Variants in RFXANK observed in about 807,000 individuals in gnomAD.
RFXANK encodes the protein regulatory factor X associated ankyrin containing protein.
In RFXANK, 19 loss-of-function variants were observed where a neutral mutation model predicts 34.5. The observed-to-expected ratio is 0.55, with a 90% confidence interval of 0.38 to 0.81. The LOEUF (loss-of-function observed/expected upper bound fraction) is 0.81. Ranked by LOEUF, RFXANK falls within the 30% of genes least tolerant of loss-of-function variation. The pLI is 0.00. For synonymous variants in RFXANK, 154 were observed against 149.8 expected (o/e 1.03, Z -0.20); for missense variants, 295 against 343.5 (o/e 0.86, Z 1.12).
intron 3 of RFXANK, among the ~76,000 whole-genome samples, chr19:19,194,593 G>A (rs1376652686): frequency 4.6e-5 from 7 of 151,870 alleles, no homozygotes; most frequent in Admixed American, 2.6e-4. Flanking sequence ...GTGCAGTGAT[G>A]CAATCATAGT....
At chr19:19,195,859 C>A (rs1223908052) in intron 3 of RFXANK, among the ~76,000 whole-genome samples, 1 of 151,158 alleles carries the variant, frequency 6.6e-6, no homozygotes, top group Non-Finnish European at 1.5e-5. Flanking sequence ...TCTCCTGCCT[C>A]AGCCTCCCGA....
Position 19,201,329 on chromosome 19 carries a change from G to A in RFXANK, c.713-320G>A, listed in dbSNP as rs1186538912. ...CTGAGCTCAAGCAGTCCTCCCCACT[G>A]GACCTCCCAAAGTGCTGGGATTATA... On this transcript the variant is annotated intron_variant, in intron 9 of 9. Coordinates refer to ENST00000303088, the MANE Select transcript of RFXANK (RefSeq NM_003721.4). 10 of 778,574 alleles carry A rather than the reference G, an allele frequency of 1.3e-5. No homozygotes were observed. The African/African-American group carries it at 1.4e-4, about 11-fold the overall frequency. The allele number at this position is 778,574 out of a possible 1,614,324, so 48.2% of individuals were successfully genotyped here. A position where few individuals can be genotyped will look rare whatever the true frequency, so the allele number is the denominator to read the frequency against.
rs115173931 is a variant in RFXANK at position 19,198,166 on chromosome 19, A to G, written c.498A>G (p.Thr166=). The G allele has an allele frequency of 3.7e-6, 6 of 1,614,178 alleles. No individual in the cohort carries two copies. Among genetic ancestry groups the G allele is most frequent in the South Asian group, 3.3e-5 (3 of 91,086 alleles). Residue 166 remains threonine (T), a synonymous_variant, in exon 7 of 10, where the codon ACA becomes ACG. Coordinates refer to ENST00000303088, the MANE Select transcript of RFXANK (RefSeq NM_003721.4). ...ERESALSLAS[T]GGYTDIVGLL... ...AGAGCGCCCTGTCGCTGGCCAGCAC[A>G]GGCGGCTACACAGACATTGTGGGGC...
In RFXANK at chr19:19,198,109, T is replaced by A. The variant is rs1340253254; in HGVS notation, c.441T>A (p.Gly147=). 1.9e-6 allele frequency: 3 copies of A among 1,613,420 alleles called. No homozygotes were observed. Among genetic ancestry groups the A allele is most frequent in the Middle Eastern group, 1.7e-4 (1 of 5,996 alleles). ...ACTGTCCCTTCTTCTCCCTGCAGGG[T>A]GCCGACCCCCACATCCTGGCAAAAG... ...IETVRFLLEW[G]ADPHILAKER... is the part of the protein sequence containing the mutation. The change falls in exon 7 of 10, where the codon GGT becomes GGA. Residue 147 remains glycine (G), a splice_region_variant and synonymous_variant. Coordinates refer to ENST00000303088, the MANE Select transcript of RFXANK (RefSeq NM_003721.4).
intron 3 of RFXANK, among the ~76,000 whole-genome samples, chr19:19,194,683 C>G (rs1440958404): frequency 6.6e-6 from 1 of 151,648 alleles, no homozygotes; most frequent in Non-Finnish European, 1.5e-5. Context: ...GCAACCACAC[C>G]TGGCTAATTT....
At chr19:19,199,922 C>A (rs540350366) in intron 9 of RFXANK, among the ~76,000 whole-genome samples, 1 of 152,104 alleles carries the variant, frequency 6.6e-6, no homozygotes, top group Non-Finnish European at 1.5e-5. Context: ...AGGAAATATC[C>A]CCCTCCTTCC....
At chr19:19,196,552 ACT>A (rs2060601893) in intron 3 of RFXANK, among the ~76,000 whole-genome samples, 2 of 140,162 alleles carry the variant, frequency 1.4e-5, no homozygotes, top group Non-Finnish European at 3.0e-5. Flanking sequence ...ACAGAGCAAG[ACT>A]CTGTCTCAAA....
At chr19:19,200,736 C>A (rs2060695692) in intron 9 of RFXANK, 1 of 154,076 alleles carries the variant, frequency 6.5e-6, no homozygotes, top group African/African-American at 2.4e-5. Flanking sequence ...ATTCTCCTGC[C>A]TCAGCCTCCT....
intron 3 of RFXANK, among the ~76,000 whole-genome samples, chr19:19,194,861 A>C (rs1444083959): frequency 6.6e-6 from 1 of 151,978 alleles, no homozygotes; most frequent in Non-Finnish European, 1.5e-5. Context: ...ACTGGGTCAG[A>C]TGGTCATCCT....
At chr19:19,198,400 A>G (rs1019923878) in intron 7 of RFXANK, among the ~76,000 whole-genome samples, 168 bp downstream of exon 7, 5 of 152,216 alleles carry the variant, frequency 3.3e-5, no homozygotes, top group African/African-American at 1.2e-4. Context: ...GAAGGCAGAC[A>G]TGGAAACAGG....
intron 2 of RFXANK, among the ~76,000 whole-genome samples, chr19:19,193,467 A>G (rs1364890798): frequency 1.6e-5 from 2 of 126,808 alleles, no homozygotes; most frequent in Non-Finnish European, 3.1e-5. Flanking sequence ...CGCCCCAGCT[A>G]CAGTGCAGTG....
chr19:19,192,818 C>T (rs948070919), intron 1 of RFXANK, 142 bp from the exon 2 acceptor site: 6 of 152,604 alleles, frequency 3.9e-5, no homozygotes, highest in African/African-American at 1.4e-4. Flanking sequence ...CCCACGCCCT[C>T]CCCTAAGTCT....
intron 6 of RFXANK, 151 bp downstream of exon 6, chr19:19,197,772 G>GC: frequency 1.4e-6 from 1 of 740,008 alleles, no homozygotes; most frequent in South Asian, 1.7e-5. Flanking sequence ...ACTTTGGGAG[G>GC]CCGAGGCGGG....
At chr19:19,194,174 G>A in intron 3 of RFXANK, 41 bp downstream of exon 3, 1 of 1,561,570 alleles carries the variant, frequency 6.4e-7, no homozygotes, top group Non-Finnish European at 8.8e-7. Flanking sequence ...GGGATTCCAT[G>A]ATGATGGAAT....
In RFXANK at chr19:19,198,156, T is replaced by C; in HGVS notation, c.488T>C (p.Leu163Pro). Residue 163 changes from leucine to proline, a missense_variant, in exon 7 of 10, where the codon CTG becomes CCG. By Grantham distance (98) the Leu-to-Pro change is moderately conservative (BLOSUM62 -3). Coordinates refer to ENST00000303088, the MANE Select transcript of RFXANK (RefSeq NM_003721.4). ...AAAGAGCGAGAGAGCGCCCTGTCGC[T>C]GGCCAGCACAGGCGGCTACACAGAC... ...LAKERESALS[L>P]ASTGGYTDIV... is the part of the protein sequence containing the mutation. 6.2e-7 allele frequency: 1 copy of C among 1,614,134 alleles called. No homozygotes were observed. The highest frequency in any genetic ancestry group is 8.5e-7 in the Non-Finnish European group (1 of 1,180,014).
chr19:19,199,004 G>A, intron 8 of RFXANK, 150 bp from the exon 9 acceptor site: 1 of 816,934 alleles, frequency 1.2e-6, no homozygotes, highest in Non-Finnish European at 2.0e-6. Context: ...GATAGCAGAG[G>A]TTGGACCCTT....
chr19:19,192,677 A>C (rs1010793587), intron 1 of RFXANK, 123 bp downstream of exon 1: 1 of 153,758 alleles, frequency 6.5e-6, no homozygotes, highest in Non-Finnish European at 1.5e-5. Context: ...ATCTGTGGGC[A>C]GGGTAAAGGT....
chr19:19,195,152 G>A lies in RFXANK; in HGVS notation c.187+1019G>A, dbSNP rs1171849111. Among the ~76,000 whole-genome samples, 3 of 148,320 alleles carry A rather than the reference G, an allele frequency of 2.0e-5. No homozygotes were observed. The South Asian group carries it at 6.4e-4, about 32-fold the overall frequency. Reference sequence around the variant, plus strand: ...TGGCTCACTGCAAGCTCCACCTCCCGTGTTCACGCCATTCTCCTGCTTCAG... The same window carrying A: ...TGGCTCACTGCAAGCTCCACCTCCCATGTTCACGCCATTCTCCTGCTTCAG... On this transcript the variant is annotated intron_variant, in intron 3 of 9. Coordinates refer to ENST00000303088, the MANE Select transcript of RFXANK (RefSeq NM_003721.4).
At chr19:19,196,535 C>T (rs2060601625) in intron 3 of RFXANK, among the ~76,000 whole-genome samples, 1 of 150,054 alleles carries the variant, frequency 6.7e-6, no homozygotes, top group Non-Finnish European at 1.5e-5. Context: ...GCACTCCAGC[C>T]TGGACAACAG....
Sources: gnomAD v4.1 joint callset for allele counts (sites outside exome capture counted in the v4.1 genomes callset) on GRCh38, gnomAD v4.1.1 for gene constraint, MANE v1.5 for transcripts, NCBI Gene and HGNC (gene_info 2026-07-23, HGNC 2026-07-21) for gene names.